PWP1: variants seen among roughly 807,000 people sequenced by gnomAD.
PWP1 encodes periodic tryptophan protein 1 homolog.
In PWP1, 47 loss-of-function variants were observed where a neutral mutation model predicts 69.9. That is an observed-to-expected ratio of 0.67 (90% CI 0.53 to 0.86). The LOEUF is 0.86. Among genes scored for constraint, PWP1 ranks in the 40% least tolerant of loss-of-function variants. The pLI is 0.00. For synonymous variants in PWP1, 222 were observed against 208.2 expected (o/e 1.07, Z -0.57); for missense variants, 551 against 608.8 (o/e 0.91, Z 1.00).
chr12:107,707,119 C>T (rs906780344), intron 11 of PWP1, among the ~76,000 whole-genome samples: 18 of 152,166 alleles, frequency 1.2e-4, no homozygotes, highest in African/African-American at 4.1e-4. Context: ...CCTTCACATT[C>T]CTTGTAAGTT....
At chr12:107,701,630 G>T (rs973149058) in intron 8 of PWP1, among the ~76,000 whole-genome samples, 1 of 151,970 alleles carries the variant, frequency 6.6e-6, no homozygotes, top group East Asian at 1.9e-4. Context: ...TGAGGTAGGG[G>T]TCCAACTTCA....
Position 107,685,808 on chromosome 12 carries a change from G to A in PWP1, c.-92G>A. The stretch of plus-strand genomic sequence containing the variant: ...TGCGCTCTGCCCTGGCAGCGGCCCT[G>A]TGCAGATCCCTGAGCGTGTGGCAGC... On this transcript the variant is annotated 5_prime_UTR_variant, in exon 1 of 15. In the 5' UTR this introduces an upstream ATG that the reference lacks. Transcript: ENST00000412830. The A allele has an allele frequency of 1.4e-6, 2 of 1,421,204 alleles. No individual in the cohort carries two copies. The highest frequency in any genetic ancestry group is 1.2e-5 in the South Asian group (1 of 85,580). The allele number at this position is 1,421,204 out of a possible 1,614,324, so 88.0% of individuals were successfully genotyped here.
rs1430272530 is a variant in PWP1 at position 107,685,882 on chromosome 12, G to A, written c.-18G>A. 2 of 1,613,484 alleles carry A rather than the reference G, an allele frequency of 1.2e-6. No homozygotes were observed. The highest frequency in any genetic ancestry group is 1.7e-6 in the Non-Finnish European group (2 of 1,179,770). On this transcript the variant is annotated 5_prime_UTR_variant, in exon 1 of 15. Transcript: ENST00000412830. The stretch of plus-strand genomic sequence containing the variant: ...TGCAGCCTGGTTTCTAGCGTGACAC[G>A]CCCTTGACTTGAGGACCATGAACCG...
intron 14 of PWP1, among the ~76,000 whole-genome samples, chr12:107,711,329 G>A (rs1369579949): frequency 1.3e-5 from 2 of 152,154 alleles, no homozygotes; most frequent in African/African-American, 2.4e-5. Context: ...CTTCCAGCTT[G>A]GGCGTTAGGG....
intron 13 of PWP1, 33 bp from the exon 14 acceptor site, chr12:107,710,372 A>C (rs1889924299): frequency 1.2e-6 from 2 of 1,610,322 alleles, no homozygotes; most frequent in Non-Finnish European, 8.5e-7. Context: ...TTCTGAAGAG[A>C]TTGAAATCAC....
chr12:107,704,823 T>C, intron 11 of PWP1, 76 bp downstream of exon 11: 1 of 1,216,376 alleles, frequency 8.2e-7, no homozygotes, highest in Non-Finnish European at 1.2e-6. Flanking sequence ...GAGAGAATTA[T>C]CTGAAAAGCT....
intron 11 of PWP1, among the ~76,000 whole-genome samples, chr12:107,705,846 CACATATGCACATACGT>C (rs1262190517): frequency 6.6e-6 from 1 of 151,824 alleles, no homozygotes. Flanking sequence ...TATGTATGTG[CACATATGCACATACGT>C]GTGCATGTGT....
chr12:107,696,690 A>T (rs1412293569), intron 6 of PWP1, 106 bp downstream of exon 6: 1 of 1,509,162 alleles, frequency 6.6e-7, no homozygotes, highest in African/African-American at 1.4e-5. Context: ...TGTTGCTGAT[A>T]TTTTCTGAAG....
intron 3 of PWP1, among the ~76,000 whole-genome samples, chr12:107,690,222 T>G (rs1269649732): frequency 6.6e-6 from 1 of 152,062 alleles, no homozygotes; most frequent in Non-Finnish European, 1.5e-5. Context: ...AAATATTACA[T>G]AAGACATAGC....
chr12:107,701,573 A>C (rs1247698835), intron 8 of PWP1, among the ~76,000 whole-genome samples: 2 of 152,160 alleles, frequency 1.3e-5, no homozygotes, highest in African/African-American at 4.8e-5. Flanking sequence ...ATTAGCTCTT[A>C]CATTGAAGTC....
At position 107,704,717 on chromosome 12, in the gene PWP1, T is replaced by G; in HGVS notation, c.1047T>G (p.Thr349=). The G allele has an allele frequency of 6.2e-7, 1 of 1,613,942 alleles. No homozygotes were observed. Among genetic ancestry groups the G allele is most frequent in the African/African-American group, 1.3e-5 (1 of 75,024 alleles). ...WRFSGQIERV[T]WNHFSPCHFL... ...TCAGTGGGCAGATAGAGAGAGTGAC[T>G]TGGAATCACTTTTCACCTTGTCATT... is the stretch of plus-strand genomic sequence containing the variant. Residue 349 remains threonine (T), a synonymous_variant, in exon 11 of 15, where the codon ACT becomes ACG. Transcript: ENST00000412830.
intron 9 of PWP1, 143 bp downstream of exon 9, chr12:107,703,174 T>C (rs1889747270): frequency 3.1e-6 from 2 of 653,352 alleles, no homozygotes; most frequent in African/African-American, 1.8e-5. Context: ...TCTTAGGATT[T>C]TCACAAAGCC....
chr12:107,694,514 C>T (rs1239038121), intron 5 of PWP1, among the ~76,000 whole-genome samples: 2 of 152,190 alleles, frequency 1.3e-5, no homozygotes, highest in Non-Finnish European at 1.5e-5. Flanking sequence ...AGATTAGGCC[C>T]ATTTTATCTC....
chr12:107,709,297 C>G, intron 13 of PWP1, 65 bp downstream of exon 13: 3 of 1,555,628 alleles, frequency 1.9e-6, no homozygotes, highest in Non-Finnish European at 2.6e-6. Context: ...TTTTCTGGAA[C>G]TTGTGTTGCG....
chr12:107,685,823 C>T lies in PWP1; in HGVS notation c.-77C>T, dbSNP rs936534332. The T allele has an allele frequency of 2.0e-6, 3 of 1,492,980 alleles. No homozygotes were observed. The highest frequency in any genetic ancestry group is 1.4e-5 in the African/African-American group (1 of 72,480). The allele number at this position is 1,492,980 out of a possible 1,614,324, so 92.5% of individuals were successfully genotyped here. On this transcript the variant is annotated 5_prime_UTR_variant, in exon 1 of 15. Coordinates refer to ENST00000412830, the MANE Select transcript of PWP1 (RefSeq NM_007062.3). Reference sequence around the variant, plus strand: ...CAGCGGCCCTGTGCAGATCCCTGAGCGTGTGGCAGCAGTGCGGTCGTGGTC... The same window carrying T: ...CAGCGGCCCTGTGCAGATCCCTGAGTGTGTGGCAGCAGTGCGGTCGTGGTC...
At chr12:107,690,964 T>C (rs771291383) in intron 3 of PWP1, among the ~76,000 whole-genome samples, 1 of 152,160 alleles carries the variant, frequency 6.6e-6, no homozygotes, top group Non-Finnish European at 1.5e-5. Context: ...ATGGTCTGTG[T>C]TGGGCACAGG....
At chr12:107,686,376 C>T (rs1240433304) in intron 1 of PWP1, among the ~76,000 whole-genome samples, 1 of 152,246 alleles carries the variant, frequency 6.6e-6, no homozygotes, top group Admixed American at 6.5e-5. Context: ...CCACTTTCCA[C>T]TCTTGTGCTC....
At chr12:107,686,682 T>C (rs137989607) in intron 1 of PWP1, among the ~76,000 whole-genome samples, 1,570 of 152,184 alleles carry the variant, frequency 0.01, 23 homozygotes, top group Non-Finnish European at 0.011. Context: ...ATAGAAAAAG[T>C]CCCGCCGGGC....
rs1889920920 is a variant in PWP1 at position 107,710,260 on chromosome 12, C to T, written c.1291-145C>T. The T allele has an allele frequency of 6.8e-6, 9 of 1,323,246 alleles. No individual in the cohort carries two copies. The South Asian group carries it at 9.4e-5, about 14-fold the overall frequency. The allele number at this position is 1,323,246 out of a possible 1,614,324, so 82.0% of individuals were successfully genotyped here. Reference sequence around the variant, plus strand: ...GCCCTTCTGACTTGACTCTGAGCTACCTTTGCAGTAGGCTTGAAAGTGAGA... The same window carrying T: ...GCCCTTCTGACTTGACTCTGAGCTATCTTTGCAGTAGGCTTGAAAGTGAGA... On this transcript the variant is annotated intron_variant, in intron 13 of 14. Coordinates refer to ENST00000412830, the MANE Select transcript of PWP1 (RefSeq NM_007062.3).
Sources: allele counts gnomAD v4.1 joint callset (sites outside exome capture counted in the v4.1 genomes callset), GRCh38; gene constraint gnomAD v4.1.1; transcripts MANE v1.5; gene names NCBI Gene and HGNC (gene_info 2026-07-23, HGNC 2026-07-21).